MYO1B: variants seen among roughly 807,000 people sequenced by gnomAD.
The protein encoded by MYO1B is myosin IB, also known as unconventional myosin-Ib.
MYO1B carries 72 observed loss-of-function variants against 159.7 expected under a neutral mutation model. That is an observed-to-expected ratio of 0.45 (90% CI 0.37 to 0.55). MYO1B has a LOEUF of 0.55. Among genes scored for constraint, MYO1B ranks in the 20% least tolerant of loss-of-function variants. MYO1B has a pLI of 0.00. For synonymous variants in MYO1B, 468 were observed against 473.8 expected (o/e 0.99, Z 0.16); for missense variants, 1,062 against 1,364.8 (o/e 0.78, Z 3.50).
chr2:191,247,577 G>C (rs904772178), intron 1 of MYO1B, among the ~76,000 whole-genome samples: 23 of 152,228 alleles, frequency 1.5e-4, no homozygotes, highest in African/African-American at 4.1e-4. Context: ...TTTGTCATTA[G>C]AACTAACACA....
At chr2:191,347,233 G>A (rs1466031665) in intron 6 of MYO1B, among the ~76,000 whole-genome samples, 1 of 152,128 alleles carries the variant, frequency 6.6e-6, no homozygotes, top group Non-Finnish European at 1.5e-5. Context: ...TGACTTCAAG[G>A]GAGATAGTTT....
At chr2:191,336,983 G>C (rs1489317316) in intron 4 of MYO1B, among the ~76,000 whole-genome samples, 2 of 152,136 alleles carry the variant, frequency 1.3e-5, no homozygotes, top group African/African-American at 4.8e-5. Flanking sequence ...ACATGATATT[G>C]CCTATATCTA....
At chr2:191,393,012 T>C in intron 19 of MYO1B, 61 bp from the exon 20 acceptor site, 1 of 1,495,526 alleles carries the variant, frequency 6.7e-7, no homozygotes, top group South Asian at 1.3e-5. Context: ...GAAAATTCCT[T>C]TCCTGTATGC....
intron 4 of MYO1B, among the ~76,000 whole-genome samples, chr2:191,332,653 A>G (rs904852559): frequency 7.2e-5 from 11 of 152,138 alleles, no homozygotes; most frequent in Non-Finnish European, 1.5e-4. Flanking sequence ...AGTTTTTATG[A>G]TGGGAAAATA....
At position 191,326,770 on chromosome 2, in the gene MYO1B, ATGTGTGTGTGTG is replaced by A. The variant is rs35184577; in HGVS notation, c.252-3130_252-3119del. 3.8e-3 allele frequency among the ~76,000 whole-genome samples: 517 copies of A among 137,154 alleles called. 1 individual carries two copies. The highest frequency in any genetic ancestry group is 0.01 in the African/African-American group (378 of 36,798). The allele number at this position is 137,154 out of a possible 152,430, so 90.0% of individuals were successfully genotyped here. On this transcript the variant is annotated intron_variant, in intron 3 of 30. Coordinates refer to ENST00000392318, the MANE Select transcript of MYO1B (RefSeq NM_001130158.3). ...CTTCCAAAGCCTTGTGTTTGTATAT[ATGTGTGTGTGTG>A]TGTGTGTGTGTGTGTGTGTGTGTGT...
chr2:191,328,352 T>C (rs13419781), intron 3 of MYO1B, among the ~76,000 whole-genome samples: 14,574 of 152,242 alleles, frequency 0.096, 2,277 homozygotes, highest in African/African-American at 0.33. Flanking sequence ...TATCCCAGTC[T>C]TTCACCAGTC....
At chr2:191,342,920 C>A (rs906599282) in intron 5 of MYO1B, among the ~76,000 whole-genome samples, 3 of 151,342 alleles carry the variant, frequency 2.0e-5, no homozygotes, top group African/African-American at 7.4e-5. Flanking sequence ...AAAAAAAATG[C>A]TTTATATTGT....
At chr2:191,356,015 C>T (rs1274864669) in intron 7 of MYO1B, among the ~76,000 whole-genome samples, 1 of 152,006 alleles carries the variant, frequency 6.6e-6, no homozygotes, top group East Asian at 1.9e-4. Flanking sequence ...TTGTATGGAA[C>T]GTGGTTTTAC....
chr2:191,263,741 C>G (rs1031020702), intron 1 of MYO1B: 1 of 152,054 alleles, frequency 6.6e-6, no homozygotes, highest in South Asian at 2.1e-4. Flanking sequence ...TTAACATGTG[C>G]TGTATTCAAG....
At chr2:191,390,565 C>CTGT in intron 18 of MYO1B, 73 bp downstream of exon 18, 1 of 1,458,508 alleles carries the variant, frequency 6.9e-7, no homozygotes, top group Non-Finnish European at 9.2e-7. Context: ...TTTTCACATG[C>CTGT]TGTTAGATAA....
chr2:191,337,326 A>G (rs1050140124), intron 4 of MYO1B, among the ~76,000 whole-genome samples: 1 of 152,210 alleles, frequency 6.6e-6, no homozygotes, highest in African/African-American at 2.4e-5. Flanking sequence ...GATAATACAT[A>G]TTATTCACAG....
At chr2:191,262,830 C>T (rs1686905786) in intron 1 of MYO1B, among the ~76,000 whole-genome samples, 1 of 152,190 alleles carries the variant, frequency 6.6e-6, no homozygotes, top group African/African-American at 2.4e-5. Context: ...ATCCAACTCA[C>T]CTTTCATGGT....
intron 13 of MYO1B, among the ~76,000 whole-genome samples, chr2:191,378,774 C>T (rs1694868352): frequency 6.6e-6 from 1 of 152,030 alleles, no homozygotes. Context: ...TTCAGGGCTG[C>T]TTCAAGCGGG....
At chr2:191,322,186 C>T (rs1410855948) in intron 3 of MYO1B, among the ~76,000 whole-genome samples, 3 of 152,144 alleles carry the variant, frequency 2.0e-5, no homozygotes, top group African/African-American at 7.2e-5. Context: ...ATGCCTAGGG[C>T]ATTTCTAGGT....
chr2:191,411,289 G>A (rs1335955627), intron 27 of MYO1B, 117 bp downstream of exon 27: 7 of 600,668 alleles, frequency 1.2e-5, no homozygotes, highest in African/African-American at 1.1e-4. Context: ...TTTTAGTTCT[G>A]TGAATCATTT....
At chr2:191,245,849 T>C (rs1685751088) in intron 1 of MYO1B, 1 of 149,584 alleles carries the variant, frequency 6.7e-6, no homozygotes, top group Non-Finnish European at 1.5e-5. Flanking sequence ...CGCAGTGGCT[T>C]CGGGGGTGGC....
intron 21 of MYO1B, among the ~76,000 whole-genome samples, chr2:191,399,369 A>G (rs962788817): frequency 2.0e-5 from 3 of 152,232 alleles, no homozygotes; most frequent in East Asian, 3.9e-4. Flanking sequence ...TTCAGTGTAC[A>G]TAAATAAAGT....
chr2:191,274,733 C>T (rs1036186753), intron 1 of MYO1B, among the ~76,000 whole-genome samples: 1 of 152,136 alleles, frequency 6.6e-6, no homozygotes, highest in Non-Finnish European at 1.5e-5. Context: ...CTTCTGTGGA[C>T]TCTGGCTCTG....
intron 2 of MYO1B, among the ~76,000 whole-genome samples, chr2:191,289,841 T>C (rs1010645743): frequency 1.3e-5 from 2 of 152,216 alleles, no homozygotes; most frequent in Non-Finnish European, 2.9e-5. Flanking sequence ...AGAATTATGA[T>C]ATAAAAGATA....
Sources: allele counts gnomAD v4.1 joint callset (sites outside exome capture counted in the v4.1 genomes callset), GRCh38; gene constraint gnomAD v4.1.1; transcripts MANE v1.5; gene names NCBI Gene and HGNC (gene_info 2026-07-23, HGNC 2026-07-21).